The following PIP5K1B variants were observed in gnomAD, a reference collection of about 807,000 sequenced individuals.
PIP5K1B encodes phosphatidylinositol-4-phosphate 5-kinase type 1 beta, also known as phosphatidylinositol 4-phosphate 5-kinase type-1 beta.
PIP5K1B carries 42 observed loss-of-function variants against 67.0 expected under a neutral mutation model. The ratio of observed to expected loss-of-function variants is 0.63; its 90% confidence interval spans 0.49 to 0.81. The LOEUF is 0.81. Among genes scored for constraint, PIP5K1B ranks in the 30% least tolerant of loss-of-function variants. PIP5K1B has a pLI of 0.00. For missense variants in PIP5K1B, 459 were observed against 646.3 expected, an observed-to-expected ratio of 0.71 and a Z score of 3.14; for synonymous variants, 214 against 231.4, an observed-to-expected ratio of 0.92 and a Z score of 0.68.
intron 2 of PIP5K1B, among the ~76,000 whole-genome samples, chr9:68,776,691 A>G (rs1830934578): frequency 6.6e-6 from 1 of 152,134 alleles, no homozygotes; most frequent in Admixed American, 6.5e-5. Flanking sequence ...ATTAATCACA[A>G]TAAAGTTTAA....
At chr9:69,007,624 A>G (rs559349449) in intron 15 of PIP5K1B, among the ~76,000 whole-genome samples, 65 of 152,310 alleles carry the variant, frequency 4.3e-4, no homozygotes, top group East Asian at 1.9e-3. Context: ...TTGGGAGGCC[A>G]AGGTGGGCGG....
intron 1 of PIP5K1B, among the ~76,000 whole-genome samples, chr9:68,721,897 C>T (rs1425981842): frequency 6.6e-6 from 1 of 152,156 alleles, no homozygotes; most frequent in South Asian, 2.1e-4. Context: ...TAGCGTGGCT[C>T]ATTCCGTTGT....
At chr9:68,995,017 G>A (rs1830542823) in intron 15 of PIP5K1B, among the ~76,000 whole-genome samples, 1 of 151,896 alleles carries the variant, frequency 6.6e-6, no homozygotes, top group Admixed American at 6.6e-5. Context: ...GGTGGTGCAT[G>A]CCTGTAGTCC....
intron 15 of PIP5K1B, among the ~76,000 whole-genome samples, chr9:68,991,481 A>G (rs1382005983): frequency 3.3e-5 from 5 of 152,236 alleles, no homozygotes; most frequent in Non-Finnish European, 7.4e-5. Flanking sequence ...ACCACGTATA[A>G]CAAGAGAACG....
chr9:68,936,964 T>G (rs201185413), intron 13 of PIP5K1B, among the ~76,000 whole-genome samples: 1 of 152,224 alleles, frequency 6.6e-6, no homozygotes, highest in African/African-American at 2.4e-5. Context: ...TGAAGCCGAC[T>G]TGATCATGGT....
At chr9:68,957,962 C>T (rs1235456849) in intron 14 of PIP5K1B, among the ~76,000 whole-genome samples, 1 of 151,988 alleles carries the variant, frequency 6.6e-6, no homozygotes, top group African/African-American at 2.4e-5. Context: ...CATCCTCTGC[C>T]TCCTGGCTCA....
intron 2 of PIP5K1B, among the ~76,000 whole-genome samples, chr9:68,791,797 C>G (rs1295117818): frequency 6.6e-6 from 1 of 152,276 alleles, no homozygotes; most frequent in East Asian, 1.9e-4. Context: ...GTAATGGCTA[C>G]CACAGAAGTT....
chr9:68,947,415 C>G (rs1827852939), intron 14 of PIP5K1B, among the ~76,000 whole-genome samples: 1 of 152,194 alleles, frequency 6.6e-6, no homozygotes, highest in Admixed American at 6.5e-5. Context: ...AGCTTCTGTC[C>G]TCCTGCCACC....
At chr9:68,774,657 C>T (rs1219852438) in intron 2 of PIP5K1B, among the ~76,000 whole-genome samples, 1 of 152,194 alleles carries the variant, frequency 6.6e-6, no homozygotes, top group African/African-American at 2.4e-5. Flanking sequence ...CCCTCTCAGT[C>T]AGTCCTAAGG....
chr9:69,008,313 C>A (rs552692240), intron 15 of PIP5K1B, 134 bp from the exon 16 acceptor site: 1 of 789,728 alleles, frequency 1.3e-6, no homozygotes, highest in African/African-American at 1.7e-5. Flanking sequence ...GCAGAAGAAT[C>A]CCAAACATAA....
chr9:68,856,625 A>G (rs1026338205), intron 4 of PIP5K1B, among the ~76,000 whole-genome samples: 1 of 152,240 alleles, frequency 6.6e-6, no homozygotes, highest in Admixed American at 6.5e-5. Flanking sequence ...CCACTAGACT[A>G]GAAACTCCCA....
At chr9:68,823,046 G>T (rs1333601321) in intron 4 of PIP5K1B, among the ~76,000 whole-genome samples, 1 of 152,146 alleles carries the variant, frequency 6.6e-6, no homozygotes, top group Non-Finnish European at 1.5e-5. Context: ...ATGGCCGGTG[G>T]CGTCTTTCCC....
chr9:68,933,224 C>T (rs1454126917), intron 12 of PIP5K1B, among the ~76,000 whole-genome samples: 1 of 152,000 alleles, frequency 6.6e-6, no homozygotes, highest in African/African-American at 2.4e-5. Flanking sequence ...ACCACCTTGG[C>T]ACATGTATAC....
intron 2 of PIP5K1B, among the ~76,000 whole-genome samples, chr9:68,774,973 A>G (rs1830844558): frequency 6.6e-6 from 1 of 152,008 alleles, no homozygotes; most frequent in African/African-American, 2.4e-5. Context: ...GGCAGACAAA[A>G]CCTCTCTAGT....
At chr9:68,955,462 G>C (rs146301250) in intron 14 of PIP5K1B, among the ~76,000 whole-genome samples, 1 of 152,194 alleles carries the variant, frequency 6.6e-6, no homozygotes, top group Non-Finnish European at 1.5e-5. Context: ...GTCATTCTGT[G>C]GTTAAGACAG....
chr9:68,706,909 C>A lies in PIP5K1B; in HGVS notation c.-243+1147C>A, dbSNP rs999204105. 5.3e-5 allele frequency among the ~76,000 whole-genome samples: 8 copies of A among 151,998 alleles called. No individual in the cohort carries two copies. In the South Asian group the frequency reaches 1.0e-3, roughly 20 times the overall value. Reference sequence around the variant, plus strand: ...CTGCAGCTGTTGGAGTGGAGAAAGGCGAAAGGATTGGTTTCATTAGGACTC... The same window carrying A: ...CTGCAGCTGTTGGAGTGGAGAAAGGAGAAAGGATTGGTTTCATTAGGACTC... On this transcript the variant is annotated intron_variant, in intron 1 of 15. Coordinates refer to ENST00000265382, the MANE Select transcript of PIP5K1B (RefSeq NM_003558.4).
intron 14 of PIP5K1B, among the ~76,000 whole-genome samples, chr9:68,957,373 G>C (rs909375266): frequency 6.6e-6 from 1 of 152,184 alleles, no homozygotes. Flanking sequence ...TGCAAAGGAG[G>C]CTGGGAAGAG....
chr9:68,744,967 T>C (rs760367758), intron 2 of PIP5K1B, among the ~76,000 whole-genome samples: 97 of 152,218 alleles, frequency 6.4e-4, no homozygotes, highest in Non-Finnish European at 1.2e-3. Flanking sequence ...CCTGTACATA[T>C]GCTCATGGTG....
At chr9:68,819,836 A>G (rs974063951) in intron 3 of PIP5K1B, among the ~76,000 whole-genome samples, 44 of 152,208 alleles carry the variant, frequency 2.9e-4, no homozygotes, top group African/African-American at 9.4e-4. Context: ...GGAAAAATAA[A>G]TGAATAACTC....
Sources: allele counts gnomAD v4.1 joint callset (sites outside exome capture counted in the v4.1 genomes callset), GRCh38; gene constraint gnomAD v4.1.1; transcripts MANE v1.5; gene names NCBI Gene and HGNC (gene_info 2026-07-23, HGNC 2026-07-21).